TTC34: variants seen among roughly 807,000 people sequenced by gnomAD.
TTC34 encodes the protein tetratricopeptide repeat domain 34.
Under a neutral mutation model 40.7 loss-of-function variants are expected in TTC34, and 44 were observed. That is an observed-to-expected ratio of 1.08 (90% CI 0.85 to 1.39). The LOEUF (loss-of-function observed/expected upper bound fraction) is 1.39. TTC34 is among the 40% of genes most tolerant of loss of function. The pLI, the probability that TTC34 is intolerant of heterozygous loss-of-function variation, is 0.00. For missense variants in TTC34, 884 were observed against 838.0 expected, an observed-to-expected ratio of 1.05 and a Z score of -0.68; for synonymous variants, 422 against 398.6, an observed-to-expected ratio of 1.06 and a Z score of -0.70.
intron 6 of TTC34, among the ~76,000 whole-genome samples, chr1:2,660,703 G>A (rs773519504): frequency 0.015 from 18 of 1,196 alleles, no homozygotes; most frequent in African/African-American, 0.019. Context: ...CTGGAGCAGT[G>A]CCCACACCCC....
intron 6 of TTC34, among the ~76,000 whole-genome samples, chr1:2,751,017 G>A (rs1641301602): frequency 1.7e-5 from 2 of 116,902 alleles, no homozygotes; most frequent in Admixed American, 8.8e-5. Flanking sequence ...CGACAGGTGA[G>A]CATCTGACAG....
intron 6 of TTC34, among the ~76,000 whole-genome samples, chr1:2,780,962 A>C (rs1489902817): frequency 6.6e-6 from 1 of 152,190 alleles, no homozygotes; most frequent in African/African-American, 2.4e-5. Context: ...TTCATTGTAC[A>C]AATCTTTCAC....
At chr1:2,753,040 G>A (rs1475015748) in intron 6 of TTC34, among the ~76,000 whole-genome samples, 1 of 128,832 alleles carries the variant, frequency 7.8e-6, no homozygotes, top group African/African-American at 3.1e-5. Context: ...CGACAGCCTG[G>A]AGCAGCACCC....
In TTC34 at chr1:2,783,590, G is replaced by A. The variant is rs1357373190; in HGVS notation, c.2226+19C>T. 1 of 1,389,158 alleles carries A rather than the reference G, an allele frequency of 7.2e-7. No homozygotes were observed. The highest frequency in any genetic ancestry group is 9.5e-7 in the Non-Finnish European group (1 of 1,055,028). 86.1% of individuals were successfully genotyped at this position (1,389,158 alleles called of 1,614,324 possible). On this transcript the variant is annotated intron_variant, in intron 6 of 8. Transcript: ENST00000401095. ...CCCACCCGTGCTTGCCCAGGCCCAGGTCAGGAGTGGGGCGGCACCTGCAGC... is the reference window on the plus strand; with the variant it reads ...CCCACCCGTGCTTGCCCAGGCCCAGATCAGGAGTGGGGCGGCACCTGCAGC...
At chr1:2,652,754 C>A (rs1340389757) in intron 6 of TTC34, among the ~76,000 whole-genome samples, 55 of 126,430 alleles carry the variant, frequency 4.4e-4, no homozygotes, top group Non-Finnish European at 7.9e-4. Flanking sequence ...CAGACTGGAA[C>A]AGCACCCTGC....
At chr1:2,789,796 C>A in exon 3 of TTC34, 1 of 494,576 alleles carries the variant, frequency 2.0e-6, no homozygotes, top group Non-Finnish European at 3.4e-6. Context: ...GGTGCGGCGC[C>A]CCCTGCTCCA....
At chr1:2,656,922 TG>T (rs1557590625) in intron 6 of TTC34, among the ~76,000 whole-genome samples, 89 of 93,448 alleles carry the variant, frequency 9.5e-4, no homozygotes, top group Non-Finnish European at 1.7e-3. Flanking sequence ...TCTGACGGCC[TG>T]GAACAGCACC....
At chr1:2,696,822 CA>C in intron 6 of TTC34, among the ~76,000 whole-genome samples, 1 of 73,158 alleles carries the variant, frequency 1.4e-5, no homozygotes, top group African/African-American at 4.2e-5. Flanking sequence ...CATCTGAACC[CA>C]CGGAGCAGCA....
At chr1:2,683,909 C>A (rs374697143) in intron 6 of TTC34, among the ~76,000 whole-genome samples, 6 of 149,420 alleles carry the variant, frequency 4.0e-5, no homozygotes, top group African/African-American at 1.5e-4. Context: ...GGTCGGCACC[C>A]ACACCTCCAG....
In TTC34 at chr1:2,750,398, C is replaced by G. The variant is rs1305130151; in HGVS notation, c.2226+33211G>C. 2.8e-4 allele frequency among the ~76,000 whole-genome samples: 26 copies of G among 91,606 alleles called. 8 individuals carry two copies. Among genetic ancestry groups the G allele is most frequent in the African/African-American group, 1.2e-3 (23 of 19,214 alleles). 60.1% of individuals were successfully genotyped at this position (91,606 alleles called of 152,430 possible). ...GAGCATCTGACAGCCTGGAACAGCA[C>G]GCACACCCCCAGGTGCGCACGTGAC... On this transcript the variant is annotated intron_variant, in intron 6 of 8. Coordinates refer to ENST00000401095, the Ensembl canonical transcript of TTC34.
intron 2 of TTC34, among the ~76,000 whole-genome samples, chr1:2,795,484 T>C (rs961890112): frequency 1.3e-5 from 2 of 152,178 alleles, no homozygotes; most frequent in Non-Finnish European, 2.9e-5. Flanking sequence ...TGATTCCAGC[T>C]TCCTTACATG....
chr1:2,682,139 A>G (rs1570801268), intron 6 of TTC34, among the ~76,000 whole-genome samples: 1 of 145,242 alleles, frequency 6.9e-6, no homozygotes, highest in African/African-American at 2.6e-5. Flanking sequence ...CTGGAACAGC[A>G]CCCTGCACCC....
chr1:2,752,912 A>T (rs1433576131), intron 6 of TTC34, among the ~76,000 whole-genome samples: 24 of 139,500 alleles, frequency 1.7e-4, no homozygotes, highest in African/African-American at 5.4e-4. Flanking sequence ...TGAGCATCCG[A>T]CATCCTGAAA....
chr1:2,676,835 C>G (rs1392236846), intron 6 of TTC34, among the ~76,000 whole-genome samples: 1 of 42,334 alleles, frequency 2.4e-5, no homozygotes, highest in African/African-American at 9.8e-5. Flanking sequence ...CGGCCTGGAA[C>G]AGCACCCACA....
chr1:2,684,751 C>A (rs1309618642), intron 6 of TTC34, among the ~76,000 whole-genome samples: 1 of 133,710 alleles, frequency 7.5e-6, no homozygotes, highest in Non-Finnish European at 1.5e-5. Flanking sequence ...GGAACAGCAC[C>A]AAAAACCCCA....
chr1:2,655,498 A>AG (rs1639312314), intron 6 of TTC34, among the ~76,000 whole-genome samples: 1 of 147,964 alleles, frequency 6.8e-6, no homozygotes, highest in Non-Finnish European at 1.5e-5. Context: ...CCACACCCCC[A>AG]GGTGAGCATC....
At chr1:2,652,488 C>T (rs1256578781) in intron 6 of TTC34, among the ~76,000 whole-genome samples, 175 of 145,748 alleles carry the variant, frequency 1.2e-3, no homozygotes, top group African/African-American at 2.4e-3. Context: ...CCCACACCCC[C>T]AGGCGAGCAT....
At position 2,684,642 on chromosome 1, in the gene TTC34, G is replaced by A. The variant is rs1473228518; in HGVS notation, c.2227-39079C>T. Among the ~76,000 whole-genome samples, 8 of 133,610 alleles carry A rather than the reference G, an allele frequency of 6.0e-5. No individual in the cohort carries two copies. The South Asian group carries it at 1.4e-3, about 24-fold the overall frequency. 87.7% of individuals were successfully genotyped at this position (133,610 alleles called of 152,430 possible). On this transcript the variant is annotated intron_variant, in intron 6 of 8. Coordinates refer to ENST00000401095, the Ensembl canonical transcript of TTC34. ...GCATGGAATGGCATCCTCACCTCCA[G>A]GTGAGCATCCGACAGCCTGGAGCAG...
exon 9 of TTC34, chr1:2,637,459 G>A (rs956064558): frequency 2.0e-5 from 3 of 152,280 alleles, no homozygotes; most frequent in Non-Finnish European, 4.4e-5. Flanking sequence ...GGTTAGTGTG[G>A]TTGTTGCTTG....
Sources: gnomAD v4.1 joint callset for allele counts (sites outside exome capture counted in the v4.1 genomes callset) on GRCh38, gnomAD v4.1.1 for gene constraint, MANE v1.5 for transcripts, NCBI Gene and HGNC (gene_info 2026-07-23, HGNC 2026-07-21) for gene names.